Variants in OBP2B observed in about 807,000 individuals in gnomAD.
The protein encoded by OBP2B is odorant binding protein 2B.
OBP2B carries 10 observed loss-of-function variants against 21.7 expected under a neutral mutation model. The ratio of observed to expected loss-of-function variants is 0.46; its 90% CI spans 0.28 to 0.78. The LOEUF (loss-of-function observed/expected upper bound fraction) is 0.78, where lower values mean the gene tolerates loss of function less well. OBP2B is among the 30% of genes least tolerant of loss of function. The pLI is 0.11. For missense variants in OBP2B, 153 were observed against 217.7 expected, an observed-to-expected ratio of 0.70 and a Z score of 1.87; for synonymous variants, 73 against 91.5, an observed-to-expected ratio of 0.80 and a Z score of 1.16.
the OBP2B span, among the ~76,000 whole-genome samples, chr9:133,218,032 G>C: frequency 1.3e-5 from 2 of 152,232 alleles, no homozygotes; most frequent in African/African-American, 4.8e-5. Flanking sequence ...TATGGAAAAA[G>C]CAAAGTGGAC....
intron 3 of OBP2B, chr9:133,207,886 C>G: frequency 6.5e-7 from 1 of 1,528,720 alleles, no homozygotes; most frequent in Non-Finnish European, 8.8e-7. Context: ...CTCAATGTGT[C>G]AATGGCTAGG....
intron 4 of OBP2B, among the ~76,000 whole-genome samples, chr9:133,206,940 A>G (rs1264263050): frequency 6.6e-6 from 1 of 151,868 alleles, no homozygotes; most frequent in Non-Finnish European, 1.5e-5. Flanking sequence ...GAGCTCTCTT[A>G]GGACGCTTAA....
At chr9:133,221,910 C>A in the OBP2B span, among the ~76,000 whole-genome samples, 2 of 152,052 alleles carry the variant, frequency 1.3e-5, no homozygotes, top group Non-Finnish European at 2.9e-5. Context: ...TCTCCCTGAA[C>A]CTGCCGGGGC....
intron 5 of OBP2B, 90 bp downstream of exon 5, chr9:133,206,225 G>C (rs1833704195): frequency 7.2e-7 from 1 of 1,385,942 alleles, no homozygotes; most frequent in Admixed American, 1.7e-5. Flanking sequence ...GAATGCGGGG[G>C]ACATGGGAGG....
At chr9:133,207,375 A>T (rs1356215384) in intron 3 of OBP2B, 39 bp from the exon 4 acceptor site, 7 of 1,323,202 alleles carry the variant, frequency 5.3e-6, no homozygotes, top group African/African-American at 1.4e-5. Flanking sequence ...CCCAGAGAGA[A>T]CACTCGGGGC....
chr9:133,220,521 T>C, the OBP2B span, among the ~76,000 whole-genome samples: 1 of 146,908 alleles, frequency 6.8e-6, no homozygotes, highest in Non-Finnish European at 1.5e-5. Context: ...TGTGTGTATG[T>C]GGTAGACTGA....
At chr9:133,212,437 C>T (rs1833925170), upstream of OBP2B, among the ~76,000 whole-genome samples, 2 of 152,078 alleles carry the variant, frequency 1.3e-5, no homozygotes, top group African/African-American at 4.8e-5. Flanking sequence ...AGAAAATGAG[C>T]CTCAAGAAAT....
At chr9:133,216,520 G>T in the OBP2B span, among the ~76,000 whole-genome samples, 1 of 150,426 alleles carries the variant, frequency 6.6e-6, no homozygotes, top group Non-Finnish European at 1.5e-5. Context: ...ATAGAACCCC[G>T]CAATAGAACC....
the OBP2B span, among the ~76,000 whole-genome samples, chr9:133,219,144 C>T: frequency 1.3e-5 from 2 of 152,224 alleles, no homozygotes; most frequent in Admixed American, 6.5e-5. Flanking sequence ...GATCAAAGAC[C>T]TCAACGTAAG....
intron 1 of OBP2B, among the ~76,000 whole-genome samples, chr9:133,208,893 C>T (rs568785745): frequency 1.3e-5 from 2 of 152,142 alleles, no homozygotes; most frequent in South Asian, 2.1e-4. Flanking sequence ...GCGAGACCTT[C>T]GGGCTTCAGG....
chr9:133,222,725 C>CA, the OBP2B span, among the ~76,000 whole-genome samples: 14 of 151,000 alleles, frequency 9.3e-5, no homozygotes, highest in African/African-American at 3.4e-4. Context: ...AGCAAGACTC[C>CA]AAAACAAAAA....
At chr9:133,217,353 G>A in the OBP2B span, among the ~76,000 whole-genome samples, 3 of 152,196 alleles carry the variant, frequency 2.0e-5, no homozygotes, top group East Asian at 1.9e-4. Context: ...GGCCGGTTCC[G>A]AGGCAATGGA....
At chr9:133,221,517 A>G in the OBP2B span, among the ~76,000 whole-genome samples, 1 of 152,206 alleles carries the variant, frequency 6.6e-6, no homozygotes, top group African/African-American at 2.4e-5. Context: ...CACTGGAACC[A>G]AGACTTTGGG....
In OBP2B at chr9:133,205,353, T is replaced by C. The variant is rs1588613652; in HGVS notation, c.*60A>G. 1 of 1,531,206 alleles carries C rather than the reference T, an allele frequency of 6.5e-7. No individual in the cohort carries two copies. The highest frequency in any genetic ancestry group is 2.5e-5 in the East Asian group (1 of 40,522). 94.9% of individuals were successfully genotyped at this position (1,531,206 alleles called of 1,614,324 possible). A position where few individuals can be genotyped will look rare whatever the true frequency, so the allele number is the denominator to read the frequency against. On this transcript the variant is annotated 3_prime_UTR_variant, in exon 7 of 7. Coordinates refer to ENST00000372034, the MANE Select transcript of OBP2B (RefSeq NM_014581.4). ...GTCATGGCTGGAGGGTAGGTCCAGG[T>C]GGTCCAGGCTCTGTGTCTGGTGGTA...
At chr9:133,212,701 C>T (rs1183008458), upstream of OBP2B, among the ~76,000 whole-genome samples, 7 of 152,148 alleles carry the variant, frequency 4.6e-5, no homozygotes, top group Non-Finnish European at 8.8e-5. Context: ...GAGGCCCAGG[C>T]GGGTGGATCA....
In OBP2B at chr9:133,207,142, C is replaced by G. The variant is rs1164847723; in HGVS notation, c.388+84G>C. 8.7e-5 allele frequency: 85 copies of G among 971,996 alleles called. No individual in the cohort carries two copies. The African/African-American group carries it at 1.2e-3, about 14-fold the overall frequency. The allele number at this position is 971,996 out of a possible 1,614,324, so 60.2% of individuals were successfully genotyped here. A position where few individuals can be genotyped will look rare whatever the true frequency, so the allele number is the denominator to read the frequency against. Reference sequence around the variant, plus strand: ...ACAGGGGGCTTCCTTTTCCCCCATGCCAGGGCATGGTGGTGCTGGTTCCAC... The same window carrying G: ...ACAGGGGGCTTCCTTTTCCCCCATGGCAGGGCATGGTGGTGCTGGTTCCAC... On this transcript the variant is annotated intron_variant, in intron 4 of 6. Coordinates refer to ENST00000372034, the MANE Select transcript of OBP2B (RefSeq NM_014581.4).
Position 133,206,307 on chromosome 9 carries a change from ATCCTCACCCG to A in OBP2B, c.488_490+7del. The A allele has an allele frequency of 1.2e-6, 2 of 1,611,612 alleles. No individual in the cohort carries two copies. Among genetic ancestry groups the A allele is most frequent in the Non-Finnish European group, 1.7e-6 (2 of 1,177,782 alleles). On this transcript the variant is annotated splice_donor_variant and splice_donor_5th_base_variant and coding_sequence_variant and intron_variant, in exon 5 of 7. Transcript: ENST00000372034. LOFTEE classifies it high-confidence loss of function. ...GGGACACAGGGGACTGGGCACAGCCATCCTCACCCGTCTGCAGGGGCGTGAAAATGTCCTC... is the reference window on the plus strand; with the variant it reads ...GGGACACAGGGGACTGGGCACAGCCATCTGCAGGGGCGTGAAAATGTCCTC...
intron 3 of OBP2B, 72 bp from the exon 4 acceptor site, chr9:133,207,408 T>G: frequency 1.9e-6 from 2 of 1,062,842 alleles, no homozygotes; most frequent in Non-Finnish European, 2.8e-6. Context: ...CACTCGGGAA[T>G]GTTTCAGCGG....
chr9:133,216,757 A>G, the OBP2B span, among the ~76,000 whole-genome samples: 1 of 152,144 alleles, frequency 6.6e-6, no homozygotes. Context: ...AGGAAAAAAA[A>G]AAGCCAATCC....
Sources: gnomAD v4.1 joint callset for allele counts (sites outside exome capture counted in the v4.1 genomes callset) on GRCh38, gnomAD v4.1.1 for gene constraint, MANE v1.5 for transcripts, NCBI Gene and HGNC (gene_info 2026-07-23, HGNC 2026-07-21) for gene names.